The following JAK2 variants were observed in gnomAD, a reference collection of about 807,000 sequenced individuals.
The protein encoded by JAK2 is Janus kinase 2.
JAK2 carries 86 observed loss-of-function variants against 139.3 expected under a neutral mutation model. The observed-to-expected ratio is 0.62, with a 90% CI of 0.52 to 0.74. The LOEUF is 0.74. Among genes scored for constraint, JAK2 ranks in the 30% least tolerant of loss-of-function variants. JAK2 has a pLI of 0.00. For synonymous variants in JAK2, 490 were observed against 437.7 expected, an observed-to-expected ratio of 1.12 and a Z score of -1.49; for missense variants, 1,421 against 1,360.3, an observed-to-expected ratio of 1.04 and a Z score of -0.70.
intron 2 of JAK2, among the ~76,000 whole-genome samples, chr9:4,988,699 C>T (rs1820095217): frequency 6.6e-6 from 1 of 152,110 alleles, no homozygotes; most frequent in Non-Finnish European, 1.5e-5. Context: ...AAAACTAATC[C>T]TATTGCTAAC....
chr9:5,095,428 A>G (rs1043956490), intron 22 of JAK2, among the ~76,000 whole-genome samples: 3 of 152,200 alleles, frequency 2.0e-5, no homozygotes, highest in Non-Finnish European at 4.4e-5. Flanking sequence ...AACTGCATCT[A>G]TAATTCTCAT....
chr9:5,111,745 C>T (rs1586818342), intron 22 of JAK2: 25 of 427,438 alleles, frequency 5.8e-5, no homozygotes, highest in South Asian at 4.2e-4. Flanking sequence ...ACCGGCTGCA[C>T]GGAGGAGAAG....
At chr9:5,122,059 G>A (rs1823659649) in intron 22 of JAK2, among the ~76,000 whole-genome samples, 1 of 152,164 alleles carries the variant, frequency 6.6e-6, no homozygotes, top group Admixed American at 6.5e-5. Context: ...TGGACTGCCA[G>A]TACTATAGGA....
At chr9:5,093,694 T>C (rs775023234) in intron 22 of JAK2, among the ~76,000 whole-genome samples, 9 of 152,254 alleles carry the variant, frequency 5.9e-5, no homozygotes, top group Admixed American at 3.9e-4. Flanking sequence ...TTAATACACA[T>C]TGACCCAATA....
At chr9:5,087,207 C>CAG (rs1820193978) in intron 19 of JAK2, among the ~76,000 whole-genome samples, 1 of 152,102 alleles carries the variant, frequency 6.6e-6, no homozygotes, top group Admixed American at 6.6e-5. Flanking sequence ...TGACAGTTAC[C>CAG]CATGGCTGGG....
chr9:4,998,613 T>A (rs1042690129), intron 2 of JAK2, among the ~76,000 whole-genome samples: 2 of 152,036 alleles, frequency 1.3e-5, no homozygotes, highest in African/African-American at 2.4e-5. Flanking sequence ...GTTCACACTT[T>A]TTCTGTATGT....
intron 23 of JAK2, among the ~76,000 whole-genome samples, chr9:5,123,949 T>C (rs1363807946): frequency 3.3e-5 from 5 of 151,746 alleles, no homozygotes; most frequent in Admixed American, 6.6e-5. Context: ...TTAATTTGCA[T>C]TTCTCTGGTG....
At chr9:5,041,356 G>A in intron 4 of JAK2, 1 of 637,124 alleles carries the variant, frequency 1.6e-6, no homozygotes, top group South Asian at 1.7e-5. Flanking sequence ...CGTGCTACAT[G>A]AGCATCAACA....
At chr9:5,114,914 T>C in intron 22 of JAK2, 1 of 186,160 alleles carries the variant, frequency 5.4e-6, no homozygotes, top group Non-Finnish European at 1.1e-5. Flanking sequence ...CCACCCCCAA[T>C]AAACAGTGCC....
chr9:5,106,855 C>T (rs917540322), intron 22 of JAK2, among the ~76,000 whole-genome samples: 7 of 152,112 alleles, frequency 4.6e-5, no homozygotes, highest in Admixed American at 1.3e-4. Flanking sequence ...ACAATGAGAA[C>T]ACTTGGACAC....
chr9:5,007,918 AG>A (rs1400689366), intron 2 of JAK2, among the ~76,000 whole-genome samples: 1 of 151,922 alleles, frequency 6.6e-6, no homozygotes, highest in African/African-American at 2.4e-5. Flanking sequence ...ACTGGAGAAC[AG>A]GGTCTCACTA....
At chr9:5,107,537 A>G (rs1045420260) in intron 22 of JAK2, among the ~76,000 whole-genome samples, 1 of 152,170 alleles carries the variant, frequency 6.6e-6, no homozygotes, top group Non-Finnish European at 1.5e-5. Flanking sequence ...TTAATTTACA[A>G]AAGAACTCAA....
intron 2 of JAK2, among the ~76,000 whole-genome samples, chr9:5,014,322 C>G (rs1019334302): frequency 2.0e-5 from 3 of 151,958 alleles, no homozygotes; most frequent in Admixed American, 1.3e-4. Flanking sequence ...ACTCTTTATT[C>G]AACAGATTTG....
In JAK2 at chr9:5,070,046, G is replaced by T. The variant is rs901974677; in HGVS notation, c.1635G>T (p.Leu545Phe). ...TTCACAAAATCAGAAATGAAGATTTGATATTTGTAAGTCATTAGATACTCA... is the reference window on the plus strand; with the variant it reads ...TTCACAAAATCAGAAATGAAGATTTTATATTTGTAAGTCATTAGATACTCA... ...MVFHKIRNED[L>F]IFNESLGQGT... The change falls in exon 12 of 25, where the codon TTG becomes TTT. Residue 545 changes from leucine (L) to phenylalanine (F), a missense_variant. Coordinates refer to ENST00000381652, the MANE Select transcript of JAK2 (RefSeq NM_004972.4). 6.3e-7 allele frequency: 1 copy of T among 1,599,194 alleles called. No individual in the cohort carries two copies. The highest frequency in any genetic ancestry group is 1.1e-5 in the South Asian group (1 of 88,582).
chr9:5,087,947 AATT>A (rs1820263523), intron 19 of JAK2, among the ~76,000 whole-genome samples: 1 of 152,354 alleles, frequency 6.6e-6, no homozygotes, highest in African/African-American at 2.4e-5. Flanking sequence ...AATAATTAAA[AATT>A]ATTAATTTCA....
chr9:5,081,188 C>A lies in JAK2; in HGVS notation c.2434+505C>A, dbSNP rs144291825. Among the ~76,000 whole-genome samples the A allele has an allele frequency of 2.7e-3, 414 of 151,966 alleles. 1 individual carries two copies. The highest frequency in any genetic ancestry group is 5.0e-3 in the Non-Finnish European group (341 of 67,970). ...GGGATTACAGGCTTGAGCCACCGCT[C>A]CCAGCCAAAAAGACCTTTTCTTTCA... On this transcript the variant is annotated intron_variant, in intron 18 of 24. Transcript: ENST00000381652.
chr9:5,118,745 G>A (rs748160986), intron 22 of JAK2, among the ~76,000 whole-genome samples: 12 of 152,202 alleles, frequency 7.9e-5, no homozygotes, highest in South Asian at 4.1e-4. Context: ...TTTCTATGAC[G>A]CCTTCTGAGA....
intron 6 of JAK2, among the ~76,000 whole-genome samples, chr9:5,052,150 A>G (rs544679906): frequency 6.6e-6 from 1 of 152,238 alleles, no homozygotes; most frequent in Admixed American, 6.5e-5. Context: ...TGTTATAAAT[A>G]TGAAGCCATC....
intron 22 of JAK2, chr9:5,112,137 C>T: frequency 3.2e-6 from 1 of 311,822 alleles, no homozygotes; most frequent in South Asian, 2.6e-5. Context: ...ACGCCATGGG[C>T]ACGGCTAGCA....
Sources: gnomAD v4.1 joint callset for allele counts (sites outside exome capture counted in the v4.1 genomes callset) on GRCh38, gnomAD v4.1.1 for gene constraint, MANE v1.5 for transcripts, NCBI Gene and HGNC (gene_info 2026-07-23, HGNC 2026-07-21) for gene names.